The following DACH2 variants were observed in gnomAD, a reference collection of about 807,000 sequenced individuals.
The protein encoded by DACH2 is dachshund homolog 2.
A neutral mutation model predicts 35.8 loss-of-function variants in DACH2; 17 were observed. That is an observed-to-expected ratio of 0.48 (90% CI 0.33 to 0.71). DACH2 has a LOEUF of 0.71. Ranked by LOEUF, DACH2 falls within the 30% of genes least tolerant of loss-of-function variation. The pLI, the probability that DACH2 is intolerant of heterozygous loss-of-function variation, is 0.02. For missense variants in DACH2, 469 were observed against 472.7 expected (o/e 0.99, Z 0.07); for synonymous variants, 195 against 177.3 (o/e 1.10, Z -0.79).
intron 1 of DACH2, among the ~76,000 whole-genome samples, chrX:86,283,741 G>T (rs999710878): frequency 1.9e-5 from 2 of 107,925 alleles, no homozygotes; most frequent in African/African-American, 3.4e-5. Context: ...GGGGGGACTG[G>T]GTGGGGGATA....
intron 2 of DACH2, among the ~76,000 whole-genome samples, chrX:86,435,617 AT>A (rs1358253515): frequency 8.9e-6 from 1 of 112,112 alleles, no homozygotes; most frequent in Admixed American, 9.5e-5. Context: ...CATCGATACA[AT>A]TTTGGAAAAA....
At position 86,579,328 on chromosome X, in the gene DACH2, A is replaced by G. The variant is rs2039473993; in HGVS notation, c.640+64937A>G. On this transcript the variant is annotated intron_variant, in intron 3 of 11. Transcript: ENST00000373125. Reference sequence around the variant, plus strand: ...GGCTGGTCTCGAACTCCTGACCTCAAGTGATCTACCTACTTCGTCCTTCCA... The same window carrying G: ...GGCTGGTCTCGAACTCCTGACCTCAGGTGATCTACCTACTTCGTCCTTCCA... 2.7e-5 allele frequency among the ~76,000 whole-genome samples: 3 copies of G among 111,330 alleles called. No individual in the cohort carries two copies. In the South Asian group the frequency reaches 1.1e-3, roughly 42 times the overall value.
At chrX:86,723,687 G>A (rs1465980200) in intron 6 of DACH2, among the ~76,000 whole-genome samples, 1 of 111,763 alleles carries the variant, frequency 8.9e-6, no homozygotes, top group African/African-American at 3.2e-5. Context: ...TTAAAAATGT[G>A]TTGATATTTG....
At chrX:86,474,516 T>A (rs913652491) in intron 2 of DACH2, among the ~76,000 whole-genome samples, 5 of 112,096 alleles carry the variant, frequency 4.5e-5, no homozygotes, top group Admixed American at 1.9e-4. Context: ...GTATTTAATC[T>A]ATTTTGATTT....
intron 1 of DACH2, among the ~76,000 whole-genome samples, chrX:86,306,550 C>CA (rs1292516305): frequency 9.0e-6 from 1 of 111,380 alleles, no homozygotes; most frequent in Non-Finnish European, 1.9e-5. Context: ...ATCTGGTGGG[C>CA]AAAATCTAAT....
At chrX:86,391,440 A>G (rs1012659130) in intron 2 of DACH2, among the ~76,000 whole-genome samples, 1 of 110,465 alleles carries the variant, frequency 9.1e-6, no homozygotes, top group African/African-American at 3.3e-5. Context: ...TAGAAACACC[A>G]ACTATTTGAA....
chrX:86,794,785 C>T (rs891552713), intron 7 of DACH2, among the ~76,000 whole-genome samples: 4 of 111,535 alleles, frequency 3.6e-5, no homozygotes, highest in Non-Finnish European at 7.5e-5. Context: ...AGTGTTCAAA[C>T]TTGAATACAT....
chrX:86,239,962 C>T (rs912914801), intron 1 of DACH2, among the ~76,000 whole-genome samples: 16 of 111,775 alleles, frequency 1.4e-4, no homozygotes, highest in African/African-American at 5.2e-4. Context: ...AAATTCTGTT[C>T]AGTGAACATG....
chrX:86,301,083 T>A (rs2034566872), intron 1 of DACH2, among the ~76,000 whole-genome samples: 1 of 111,758 alleles, frequency 8.9e-6, no homozygotes, highest in African/African-American at 3.3e-5. Context: ...CTTCAAATAC[T>A]GAAGTAACAC....
chrX:86,289,667 C>T (rs1301744622), intron 1 of DACH2, among the ~76,000 whole-genome samples: 5 of 100,681 alleles, frequency 5.0e-5, no homozygotes, highest in African/African-American at 1.5e-4. Context: ...TGAGAATATG[C>T]GGTGTTTGGT....
At chrX:86,713,152 C>T (rs929733592) in intron 5 of DACH2, among the ~76,000 whole-genome samples, 10 of 111,308 alleles carry the variant, frequency 9.0e-5, no homozygotes, top group Non-Finnish European at 1.5e-4. Flanking sequence ...AATCAGGAGA[C>T]GGACCTCAAA....
In DACH2 at chrX:86,411,606, T is replaced by C. The variant is rs756468539; in HGVS notation, c.527+34744T>C. 4.5e-5 allele frequency among the ~76,000 whole-genome samples: 5 copies of C among 111,878 alleles called. No individual in the cohort carries two copies. In the South Asian group the frequency reaches 1.5e-3, roughly 33 times the overall value. Reference sequence around the variant, plus strand: ...TACTATTATATAAAGTTAACAATACTTAAATGCTGATATGAAGTCAATAAA... The same window carrying C: ...TACTATTATATAAAGTTAACAATACCTAAATGCTGATATGAAGTCAATAAA... On this transcript the variant is annotated intron_variant, in intron 2 of 11. Coordinates refer to ENST00000373125, the MANE Select transcript of DACH2 (RefSeq NM_053281.3).
intron 2 of DACH2, among the ~76,000 whole-genome samples, chrX:86,400,175 G>A (rs189866698): frequency 9.0e-6 from 1 of 111,437 alleles, no homozygotes; most frequent in Non-Finnish European, 1.9e-5. Context: ...GATCGCATCG[G>A]CTACTGAGGC....
intron 3 of DACH2, among the ~76,000 whole-genome samples, chrX:86,565,291 A>G (rs1006937243): frequency 7.2e-5 from 8 of 111,332 alleles, no homozygotes; most frequent in African/African-American, 2.6e-4. Flanking sequence ...CTTTATATTC[A>G]CCTATTATTT....
intron 1 of DACH2, among the ~76,000 whole-genome samples, 178 bp from the exon 2 acceptor site, chrX:86,376,646 C>T (rs995472460): frequency 9.0e-6 from 1 of 110,610 alleles, no homozygotes; most frequent in Non-Finnish European, 1.9e-5. Context: ...GCTTCCTTAC[C>T]TTCTATGTGC....
chrX:86,669,248 T>C (rs1332838828), intron 4 of DACH2, among the ~76,000 whole-genome samples: 1 of 110,644 alleles, frequency 9.0e-6, no homozygotes, highest in Admixed American at 9.7e-5. Flanking sequence ...TTATTGCCCA[T>C]TGATAATAGT....
intron 3 of DACH2, among the ~76,000 whole-genome samples, chrX:86,544,752 A>G (rs944515297): frequency 1.8e-5 from 2 of 111,919 alleles, no homozygotes; most frequent in Non-Finnish European, 3.8e-5. Flanking sequence ...CATAATACCC[A>G]GCTAACAACA....
chrX:86,362,100 T>A (rs1371325719), intron 1 of DACH2, among the ~76,000 whole-genome samples: 1 of 111,391 alleles, frequency 9.0e-6, no homozygotes, highest in Non-Finnish European at 1.9e-5. Flanking sequence ...TTACTGTCCC[T>A]CTTCACTCAG....
intron 7 of DACH2, among the ~76,000 whole-genome samples, chrX:86,743,694 G>A (rs191500761): frequency 4.0e-4 from 44 of 111,273 alleles, no homozygotes; most frequent in Admixed American, 3.8e-3. Flanking sequence ...TTGATCTATG[G>A]TTGGTTTCCT....
Sources: allele counts gnomAD v4.1 joint callset (sites outside exome capture counted in the v4.1 genomes callset), GRCh38; gene constraint gnomAD v4.1.1; transcripts MANE v1.5; gene names NCBI Gene and HGNC (gene_info 2026-07-23, HGNC 2026-07-21).